Variants in CCDC169 observed in about 807,000 individuals in gnomAD.
CCDC169 encodes coiled-coil domain containing 169.
Under a neutral mutation model 36.0 loss-of-function variants are expected in CCDC169, and 30 were observed. The observed-to-expected ratio is 0.83, with a 90% CI of 0.62 to 1.13. CCDC169 has a LOEUF of 1.13. Ranked by LOEUF, CCDC169 falls within the 50% of genes most tolerant of loss-of-function variation. The pLI is 0.00. For missense variants in CCDC169, 245 were observed against 245.9 expected (o/e 1.00, Z 0.03); for synonymous variants, 85 against 81.5 (o/e 1.04, Z -0.23).
At chr13:36,291,970 T>C (rs1878948277) in intron 2 of CCDC169, among the ~76,000 whole-genome samples, 1 of 151,496 alleles carries the variant, frequency 6.6e-6, no homozygotes, top group Non-Finnish European at 1.5e-5. Context: ...TGTAAACTTG[T>C]GTGTTGTCAA....
rs1555253201 is a variant in CCDC169, at chr13:36,272,116, TAAATA to T, written c.315+11348_315+11352del. Among the ~76,000 whole-genome samples the T allele has an allele frequency of 6.3e-5, 9 of 142,650 alleles. No homozygotes were observed. In the South Asian group the frequency reaches 8.9e-4, roughly 14 times the overall value. The allele number at this position is 142,650 out of a possible 152,430, so 93.6% of individuals were successfully genotyped here. On this transcript the variant is annotated intron_variant, in intron 4 of 7. Coordinates refer to ENST00000239859, the MANE Select transcript of CCDC169 (RefSeq NM_001144981.3). ...AAAAAAAACTAAAAAAATAAATAAATAAATAAAATAAAATAAAACTACACATTAGG... is the reference window on the plus strand; with the variant it reads ...AAAAAAAACTAAAAAAATAAATAAATAAATAAAATAAAACTACACATTAGG...
chr13:36,294,648 G>A (rs1012630707), intron 2 of CCDC169, among the ~76,000 whole-genome samples: 1 of 152,104 alleles, frequency 6.6e-6, no homozygotes, highest in Non-Finnish European at 1.5e-5. Context: ...TCGGCCGGGA[G>A]CATCAGCAAG....
Position 36,242,941 on chromosome 13 carries a change from G to T in CCDC169, c.545+5665C>A, listed in dbSNP as rs1268637936. 2.6e-5 allele frequency among the ~76,000 whole-genome samples: 4 copies of T among 152,186 alleles called. No homozygotes were observed. In the East Asian group the frequency reaches 7.7e-4, roughly 29 times the overall value. On this transcript the variant is annotated intron_variant, in intron 7 of 7. Coordinates refer to ENST00000239859, the MANE Select transcript of CCDC169 (RefSeq NM_001144981.3). ...TGGCACCCAGGTGATCTACTTGGTT[G>T]TCCTTTGGTAGTAACTTGCCCAATT...
chr13:36,240,458 T>G, intron 7 of CCDC169: 1 of 303,140 alleles, frequency 3.3e-6, no homozygotes, highest in Non-Finnish European at 5.9e-6. Flanking sequence ...ATCAACAGAG[T>G]TATTGACTTA....
chr13:36,251,877 C>G (rs909112270), intron 6 of CCDC169, among the ~76,000 whole-genome samples: 1 of 152,134 alleles, frequency 6.6e-6, no homozygotes, highest in African/African-American at 2.4e-5. Context: ...TGATATTCAC[C>G]ATTTACTGGA....
chr13:36,239,713 T>C (rs1050431901), intron 7 of CCDC169, among the ~76,000 whole-genome samples: 1 of 152,328 alleles, frequency 6.6e-6, no homozygotes, highest in South Asian at 2.1e-4. Context: ...GAGTGGTTAC[T>C]TATATAAAGT....
In CCDC169 at chr13:36,297,675, G is replaced by T. The variant is rs1192071477; in HGVS notation, c.45C>A (p.Asn15Lys). ...RNYNFDGVST[N>K]RLKQQLLEEV... The stretch of plus-strand genomic sequence containing the variant: ...CTTCCAGCAACTGCTGTTTCAGGCG[G>T]TTGGTGCTCACACCGTCGAAGTTGT... The change falls in exon 1 of 8, where the codon AAC (asparagine) becomes AAA (lysine). Residue 15 changes from asparagine (N) to lysine (K), a missense_variant. Transcript: ENST00000239859. 2 of 1,551,358 alleles carry T rather than the reference G, an allele frequency of 1.3e-6. No individual in the cohort carries two copies. The highest frequency in any genetic ancestry group is 3.9e-5 in the Admixed American group (2 of 51,000).
At chr13:36,276,850 A>G (rs1471573368) in intron 4 of CCDC169, among the ~76,000 whole-genome samples, 2 of 152,154 alleles carry the variant, frequency 1.3e-5, no homozygotes, top group Admixed American at 6.5e-5. Flanking sequence ...TACATCCCCT[A>G]TATCTGTTGA....
intron 4 of CCDC169, among the ~76,000 whole-genome samples, chr13:36,275,445 G>A (rs1449516366): frequency 2.6e-5 from 4 of 152,124 alleles, no homozygotes; most frequent in South Asian, 2.1e-4. Context: ...GTGATTTGAA[G>A]CTATGTACCT....
intron 4 of CCDC169, among the ~76,000 whole-genome samples, chr13:36,271,599 C>A (rs1022745999): frequency 3.9e-5 from 6 of 152,122 alleles, no homozygotes; most frequent in Non-Finnish European, 7.4e-5. Context: ...GAAATAATGT[C>A]TTTTGCAGTA....
intron 2 of CCDC169, among the ~76,000 whole-genome samples, chr13:36,295,265 A>G (rs578122978): frequency 6.6e-6 from 1 of 152,332 alleles, no homozygotes; most frequent in South Asian, 2.1e-4. Flanking sequence ...GAACAGGGAA[A>G]ACAAAGGTCT....
At position 36,253,784 on chromosome 13, in the gene CCDC169, G is replaced by A. The variant is rs764565358; in HGVS notation, c.468+19C>T. ...CAGTAAGAAGAAACACTTAGAATTT[G>A]GAAATAAAAAAGAGTTACCTGAGAC... On this transcript the variant is annotated intron_variant, in intron 6 of 7. Transcript: ENST00000239859. 8.4e-6 allele frequency: 13 copies of A among 1,540,054 alleles called. No individual in the cohort carries two copies. Among genetic ancestry groups the A allele is most frequent in the African/African-American group, 2.8e-5 (2 of 72,260 alleles).
chr13:36,225,429 T>G (rs1006138029), downstream of CCDC169: 1 of 152,774 alleles, frequency 6.5e-6, no homozygotes, highest in Non-Finnish European at 1.5e-5. Context: ...GGTCTCAAAC[T>G]CCTGGGCTCA....
In CCDC169 at chr13:36,297,715, T is replaced by C. The variant is rs1314811072; in HGVS notation, c.5A>G (p.Lys2Arg). 2 of 1,551,076 alleles carry C rather than the reference T, an allele frequency of 1.3e-6. No individual in the cohort carries two copies. Among genetic ancestry groups the C allele is most frequent in the East Asian group, 2.4e-5 (1 of 40,912 alleles). ...GTCGAAGTTGTAGTTTCTCTCTTCC[T>C]TCATAGTGTCAGGCCAGAGACCTCC... M[K>R]EERNYNFDGV... The change falls in exon 1 of 8, where the codon AAG becomes AGG. Residue 2 changes from lysine (K) to arginine (R), a missense_variant. Coordinates refer to ENST00000239859, the MANE Select transcript of CCDC169 (RefSeq NM_001144981.3).
chr13:36,295,289 T>C (rs1441567689), intron 2 of CCDC169, among the ~76,000 whole-genome samples: 2 of 152,204 alleles, frequency 1.3e-5, no homozygotes, highest in Non-Finnish European at 2.9e-5. Context: ...ATTTAAAGTG[T>C]TGACATATGG....
At chr13:36,273,822 G>A (rs1594065107) in intron 4 of CCDC169, among the ~76,000 whole-genome samples, 3 of 152,116 alleles carry the variant, frequency 2.0e-5, no homozygotes, top group Admixed American at 6.6e-5. Flanking sequence ...TGTGGTCTTC[G>A]TGCCTTGTCC....
At chr13:36,292,550 T>A (rs1257310330) in intron 2 of CCDC169, among the ~76,000 whole-genome samples, 1 of 152,210 alleles carries the variant, frequency 6.6e-6, no homozygotes, top group Non-Finnish European at 1.5e-5. Flanking sequence ...GAGGTGACTT[T>A]GAGAATATAA....
At chr13:36,240,885 A>C (rs1202247644) in intron 7 of CCDC169, among the ~76,000 whole-genome samples, 2 of 152,094 alleles carry the variant, frequency 1.3e-5, no homozygotes, top group African/African-American at 2.4e-5. Context: ...TACTAAAAAG[A>C]CTGTTTCTCC....
chr13:36,239,248 GAAAAAAAA>G (rs56690598), intron 7 of CCDC169, among the ~76,000 whole-genome samples: 1 of 147,370 alleles, frequency 6.8e-6, no homozygotes, highest in East Asian at 2.0e-4. Context: ...TTAAAAAAAA[GAAAAAAAA>G]AAAAACAGAA....
Sources: gnomAD v4.1 joint callset for allele counts (sites outside exome capture counted in the v4.1 genomes callset) on GRCh38, gnomAD v4.1.1 for gene constraint, MANE v1.5 for transcripts, NCBI Gene and HGNC (gene_info 2026-07-23, HGNC 2026-07-21) for gene names.